The following GAS2 variants were observed in gnomAD, a reference collection of about 807,000 sequenced individuals.
The protein encoded by GAS2 is growth arrest specific 2, also known as growth arrest-specific protein 2.
GAS2 carries 20 observed loss-of-function variants against 37.5 expected under a neutral mutation model. The ratio of observed to expected loss-of-function variants is 0.53; its 90% CI spans 0.37 to 0.77. The LOEUF is 0.77. GAS2 is among the 30% of genes least tolerant of loss of function. The probability of loss-of-function intolerance (pLI) is 0.00; values close to 1 mark genes in which losing one functional copy is unlikely to be tolerated. For missense variants in GAS2, 336 were observed against 373.4 expected (o/e 0.90, Z 0.82); for synonymous variants, 144 against 132.2 (o/e 1.09, Z -0.61).
At chr11:22,656,815 GTACTTATAGCACTTACA>G in intron 1 of GAS2, among the ~76,000 whole-genome samples, 1 of 151,992 alleles carries the variant, frequency 6.6e-6, no homozygotes, top group South Asian at 2.1e-4. Context: ...TCGAGGAGGC[GTACTTATAGCACTTACA>G]TGCTTTCATA....
chr11:22,637,694 TATA>T lies in GAS2; in HGVS notation c.-21+11885_-21+11887del, dbSNP rs1165654127. On this transcript the variant is annotated intron_variant, in intron 1 of 5. Transcript: ENST00000528582. ...AATATTTATATTATATCAATAATAA[TATA>T]ATATAAATATATAATCATGTATTTA... Among the ~76,000 whole-genome samples, 7 of 140,738 alleles carry T rather than the reference TATA, an allele frequency of 5.0e-5. No individual in the cohort carries two copies. The East Asian group carries it at 8.4e-4, about 17-fold the overall frequency. 92.3% of individuals were successfully genotyped at this position (140,738 alleles called of 152,430 possible).
At chr11:22,788,770 G>T (rs1383071633) in intron 7 of GAS2, among the ~76,000 whole-genome samples, 1 of 152,002 alleles carries the variant, frequency 6.6e-6, no homozygotes, top group Non-Finnish European at 1.5e-5. Context: ...TCTCAATTCT[G>T]CCACTTACTA....
rs574986964 is a variant in GAS2, at chr11:22,686,414, A to C, written c.267+625A>C. On this transcript the variant is annotated intron_variant, in intron 3 of 7. Coordinates refer to ENST00000454584, the MANE Select transcript of GAS2 (RefSeq NM_001143830.3). ...TTAATAGAGAATGAAAAGAGATATA[A>C]AAAATATTAAAATAATGTTGGCCAG... 3.9e-5 allele frequency among the ~76,000 whole-genome samples: 6 copies of C among 152,000 alleles called. No individual in the cohort carries two copies. In the East Asian group the frequency reaches 1.2e-3, roughly 29 times the overall value.
chr11:22,633,644 A>T (rs897539313), intron 1 of GAS2, among the ~76,000 whole-genome samples: 1 of 152,072 alleles, frequency 6.6e-6, no homozygotes, highest in Non-Finnish European at 1.5e-5. Context: ...CCTAACCTTG[A>T]CAGAGGCAGC....
At chr11:22,782,306 CATT>C (rs1005377092) in intron 7 of GAS2, among the ~76,000 whole-genome samples, 1 of 152,124 alleles carries the variant, frequency 6.6e-6, no homozygotes, top group Non-Finnish European at 1.5e-5. Context: ...GTAGTAGCAT[CATT>C]ATCATTATTT....
chr11:22,811,418 G>A (rs1425983517), intron 7 of GAS2, among the ~76,000 whole-genome samples: 1 of 152,076 alleles, frequency 6.6e-6, no homozygotes, highest in African/African-American at 2.4e-5. Context: ...CTGATTCAGA[G>A]GGGAATAACC....
intron 6 of GAS2, among the ~76,000 whole-genome samples, chr11:22,754,984 G>C (rs903895603): frequency 6.6e-6 from 1 of 152,092 alleles, no homozygotes; most frequent in Non-Finnish European, 1.5e-5. Context: ...ATTGTTTTGG[G>C]TTGTTTGGTT....
rs114911974 is a variant in GAS2 at position 22,653,256 on chromosome 11, A to G, written c.-20-21594A>G. On this transcript the variant is annotated intron_variant, in intron 1 of 5. Transcript: ENST00000528582. ...CAAATATTCTCACATATAAGTACTC[A>G]GAAAAAAAGAGAGCTGTTATCATTT... Among the ~76,000 whole-genome samples the G allele has an allele frequency of 9.7e-3, 1,470 of 152,162 alleles. 34 individuals carry two copies. The highest frequency in any genetic ancestry group is 0.034 in the African/African-American group (1,402 of 41,490).
At chr11:22,650,256 A>G (rs1444989756) in intron 1 of GAS2, among the ~76,000 whole-genome samples, 15 of 150,122 alleles carry the variant, frequency 1.0e-4, no homozygotes, top group African/African-American at 3.7e-4. Flanking sequence ...CCTGAGTTCT[A>G]GTTTGATTGC....
intron 7 of GAS2, among the ~76,000 whole-genome samples, chr11:22,801,804 T>G (rs2134645409): frequency 6.6e-6 from 1 of 152,212 alleles, no homozygotes; most frequent in South Asian, 2.1e-4. Context: ...CAACAGGGCA[T>G]ATTCGTAGAT....
intron 4 of GAS2, among the ~76,000 whole-genome samples, chr11:22,726,812 G>C (rs1852238258): frequency 6.6e-6 from 1 of 152,066 alleles, no homozygotes; most frequent in Non-Finnish European, 1.5e-5. Context: ...TCTAGCCATA[G>C]AGAGCACTCT....
intron 7 of GAS2, among the ~76,000 whole-genome samples, chr11:22,771,056 A>G (rs1168327856): frequency 6.6e-6 from 1 of 151,958 alleles, no homozygotes; most frequent in Non-Finnish European, 1.5e-5. Flanking sequence ...CAATCAGTTG[A>G]GGGAAGTTGG....
At chr11:22,803,466 A>G (rs939951846) in intron 7 of GAS2, among the ~76,000 whole-genome samples, 2 of 152,158 alleles carry the variant, frequency 1.3e-5, no homozygotes, top group African/African-American at 2.4e-5. Flanking sequence ...ATTATCACAG[A>G]TAAGTAACCA....
upstream of GAS2, among the ~76,000 whole-genome samples, chr11:22,666,370 CTT>C (rs1848985425): frequency 6.6e-6 from 1 of 152,218 alleles, no homozygotes; most frequent in Non-Finnish European, 1.5e-5. Flanking sequence ...AAAGCAAAAA[CTT>C]TTCCAACACC....
intron 1 of GAS2, among the ~76,000 whole-genome samples, chr11:22,654,036 A>G (rs79203170): frequency 0.013 from 2,033 of 152,288 alleles, 38 homozygotes; most frequent in East Asian, 0.077. Context: ...AATTATTTTG[A>G]TTCTTGAATG....
chr11:22,722,258 A>G (rs1401192343), intron 3 of GAS2, among the ~76,000 whole-genome samples: 2 of 151,916 alleles, frequency 1.3e-5, no homozygotes, highest in African/African-American at 4.8e-5. Flanking sequence ...TGGAATGCAT[A>G]ACTGTTCTCT....
chr11:22,765,446 C>T (rs1256795179), intron 7 of GAS2, among the ~76,000 whole-genome samples: 3 of 152,098 alleles, frequency 2.0e-5, no homozygotes, highest in Non-Finnish European at 4.4e-5. Context: ...TTTCTATATA[C>T]ATATACTGCA....
rs144964501 is a variant in GAS2 at position 22,701,547 on chromosome 11, G to T, written c.267+15758G>T. Among the ~76,000 whole-genome samples, 119 of 152,210 alleles carry T rather than the reference G, an allele frequency of 7.8e-4. 2 individuals carry two copies. The East Asian group carries it at 0.021, about 27-fold the overall frequency. ...CTTAAAAAAAAAATAGTTCGGAAAG[G>T]GCTGGGCGCGGTGGCTCACGCCTGT... is the stretch of plus-strand genomic sequence containing the variant. On this transcript the variant is annotated intron_variant, in intron 3 of 7. Transcript: ENST00000454584.
chr11:22,687,140 C>G (rs1374943895), intron 3 of GAS2, among the ~76,000 whole-genome samples: 2 of 151,940 alleles, frequency 1.3e-5, no homozygotes, highest in Non-Finnish European at 2.9e-5. Context: ...ACCTGGGCAA[C>G]ATGACAAAGC....
Sources: gnomAD v4.1 joint callset for allele counts (sites outside exome capture counted in the v4.1 genomes callset) on GRCh38, gnomAD v4.1.1 for gene constraint, MANE v1.5 for transcripts, NCBI Gene and HGNC (gene_info 2026-07-23, HGNC 2026-07-21) for gene names.